The following SEL1L2 variants were observed in gnomAD, a reference collection of about 807,000 sequenced individuals.
SEL1L2 encodes SEL1L2 adaptor subunit of SYVN1 ubiquitin ligase.
SEL1L2 carries 89 observed loss-of-function variants against 98.8 expected under a neutral mutation model. The ratio of observed to expected loss-of-function variants is 0.90; its 90% CI spans 0.76 to 1.07. The LOEUF (loss-of-function observed/expected upper bound fraction) is 1.07, where lower values mean the gene tolerates loss of function less well. Among genes scored for constraint, SEL1L2 ranks in the 50% least tolerant of loss-of-function variants. The probability of loss-of-function intolerance (pLI) is 0.00; values close to 1 mark genes in which losing one functional copy is unlikely to be tolerated. For synonymous variants in SEL1L2, 262 were observed against 278.5 expected, an observed-to-expected ratio of 0.94 and a Z score of 0.59; for missense variants, 788 against 812.0, an observed-to-expected ratio of 0.97 and a Z score of 0.36.
intron 10 of SEL1L2, among the ~76,000 whole-genome samples, chr20:13,879,363 T>A (rs1016719823): frequency 1.6e-4 from 24 of 152,042 alleles, no homozygotes; most frequent in Non-Finnish European, 2.2e-4. Context: ...TTAAAAAAAA[T>A]TTTTTTGAGA....
intron 3 of SEL1L2, among the ~76,000 whole-genome samples, chr20:13,927,217 T>C (rs1311192366): frequency 6.6e-6 from 1 of 152,256 alleles, no homozygotes; most frequent in East Asian, 1.9e-4. Context: ...TATTTTTATG[T>C]AGCACTATAT....
intron 5 of SEL1L2, among the ~76,000 whole-genome samples, chr20:13,908,341 C>G (rs1169656634): frequency 6.6e-6 from 1 of 151,942 alleles, no homozygotes; most frequent in African/African-American, 2.4e-5. Flanking sequence ...CAGGGCTGGT[C>G]TTAAAATCCT....
At chr20:13,888,330 T>A (rs779300545) in intron 6 of SEL1L2, 129 bp downstream of exon 6, 281 of 692,058 alleles carry the variant, frequency 4.1e-4, no homozygotes, top group Non-Finnish European at 5.7e-4. Flanking sequence ...ACTAAATTTC[T>A]TTGACTATTA....
At chr20:13,979,460 T>C (rs2148542863) in intron 1 of SEL1L2, among the ~76,000 whole-genome samples, 1 of 152,362 alleles carries the variant, frequency 6.6e-6, no homozygotes, top group East Asian at 1.9e-4. Context: ...TAATAACTGA[T>C]TTGATCATTA....
chr20:13,940,893 C>A (rs1455594038), intron 2 of SEL1L2, among the ~76,000 whole-genome samples: 1 of 152,094 alleles, frequency 6.6e-6, no homozygotes, highest in Non-Finnish European at 1.5e-5. Context: ...GAGCGAGACT[C>A]CATCTCAAAA....
In SEL1L2 at chr20:13,886,372, A is replaced by AT. The variant is rs1352637319; in HGVS notation, c.815dup (p.Asn272LysfsTer5). 6.2e-7 allele frequency: 1 copy of AT among 1,613,914 alleles called. No homozygotes were observed. The highest frequency in any genetic ancestry group is 1.1e-5 in the South Asian group (1 of 91,074). On this transcript the variant is annotated frameshift_variant, in exon 9 of 20. Transcript: ENST00000284951. LOFTEE classifies it high-confidence loss of function. Reference sequence around the variant, plus strand: ...CCAAAATCTCACTGTTAGAACTCAGATTTTCAGGTCTTTCCGTTAGTCTCA... The same window carrying AT: ...CCAAAATCTCACTGTTAGAACTCAGATTTTTCAGGTCTTTCCGTTAGTCTCA...
intron 1 of SEL1L2, among the ~76,000 whole-genome samples, chr20:13,966,360 C>T (rs1461596398): frequency 1.3e-5 from 2 of 152,014 alleles, no homozygotes; most frequent in African/African-American, 4.8e-5. Context: ...GCTCTGTCGC[C>T]CAGGCTGGAG....
At chr20:13,949,318 T>G (rs1233741363) in intron 2 of SEL1L2, among the ~76,000 whole-genome samples, 2 of 152,048 alleles carry the variant, frequency 1.3e-5, no homozygotes, top group African/African-American at 4.8e-5. Flanking sequence ...AAAACAAAAA[T>G]GAAAACCTCA....
chr20:13,985,525 T>C (rs2052120419), intron 1 of SEL1L2, among the ~76,000 whole-genome samples: 1 of 152,228 alleles, frequency 6.6e-6, no homozygotes, highest in South Asian at 2.1e-4. Context: ...TACAGTACCC[T>C]GTAAATGCTT....
chr20:13,987,208 C>G (rs768325684), intron 1 of SEL1L2, among the ~76,000 whole-genome samples: 16 of 152,068 alleles, frequency 1.1e-4, no homozygotes, highest in Non-Finnish European at 2.1e-4. Context: ...TTTTAAGGAA[C>G]TGCCACACTG....
chr20:13,923,124 T>C (rs562931865), intron 3 of SEL1L2, among the ~76,000 whole-genome samples: 9 of 152,350 alleles, frequency 5.9e-5, no homozygotes, highest in African/African-American at 2.2e-4. Context: ...CTTATAACTT[T>C]TGACATCTTA....
At chr20:13,903,837 C>T (rs2047796369) in intron 5 of SEL1L2, among the ~76,000 whole-genome samples, 1 of 152,032 alleles carries the variant, frequency 6.6e-6, no homozygotes, top group African/African-American at 2.4e-5. Context: ...GTATTTGAAG[C>T]CCATAGGGTC....
At position 13,930,124 on chromosome 20, in the gene SEL1L2, G is replaced by C. The variant is rs1393134386; in HGVS notation, c.283+1479C>G. On this transcript the variant is annotated intron_variant, in intron 3 of 19. Coordinates refer to ENST00000284951, the MANE Select transcript of SEL1L2 (RefSeq NM_025229.2). Reference sequence around the variant, plus strand: ...GCCATTCTAGATCCCACTCCATCCTGCTCTGTGCCTTGGGACTCTAACTCC... The same window carrying C: ...GCCATTCTAGATCCCACTCCATCCTCCTCTGTGCCTTGGGACTCTAACTCC... 4.6e-5 allele frequency among the ~76,000 whole-genome samples: 7 copies of C among 152,038 alleles called. No homozygotes were observed. In the East Asian group the frequency reaches 1.3e-3, roughly 29 times the overall value.
chr20:13,913,933 A>G lies in SEL1L2; in HGVS notation c.398T>C (p.Leu133Pro), dbSNP rs1161772493. 6.4e-7 allele frequency: 1 copy of G among 1,561,482 alleles called. No homozygotes were observed. The highest frequency in any genetic ancestry group is 8.6e-7 in the Non-Finnish European group (1 of 1,163,172). ...TCCCATGTCAGCTGCTTTGGCAAAA[A>G]GTAGGTAGGCTCTGTTTCAAGAATA... ...SQKQKEEAYL[L>P]FAKAADMGNL... The change falls in exon 5 of 20, where the codon CTT (leucine) becomes CCT (proline). Residue 133 changes from leucine to proline, a missense_variant. By Grantham distance (98) the Leu-to-Pro change is moderately conservative (BLOSUM62 -3). Transcript: ENST00000284951.
intron 18 of SEL1L2, among the ~76,000 whole-genome samples, chr20:13,853,250 G>A (rs906216065): frequency 3.3e-5 from 5 of 151,792 alleles, no homozygotes; most frequent in African/African-American, 1.2e-4. Context: ...CCAGGCTGGA[G>A]TACGGTGGCA....
chr20:13,952,348 A>C (rs187215526), intron 2 of SEL1L2, among the ~76,000 whole-genome samples: 5 of 152,360 alleles, frequency 3.3e-5, no homozygotes, highest in Non-Finnish European at 7.3e-5. Flanking sequence ...CTGCCAATAA[A>C]GCCAAGCCTC....
At chr20:13,898,177 T>C (rs1430301132) in intron 5 of SEL1L2, among the ~76,000 whole-genome samples, 2 of 152,198 alleles carry the variant, frequency 1.3e-5, no homozygotes, top group African/African-American at 4.8e-5. Flanking sequence ...AGAGTCTAGT[T>C]TCCACCCAGT....
At chr20:13,980,295 A>G (rs954113772) in intron 1 of SEL1L2, among the ~76,000 whole-genome samples, 3 of 152,208 alleles carry the variant, frequency 2.0e-5, no homozygotes, top group South Asian at 4.1e-4. Flanking sequence ...AGCCCACTGC[A>G]ACCTCTGCCT....
intron 5 of SEL1L2, among the ~76,000 whole-genome samples, chr20:13,888,804 AT>A (rs36004055): frequency 1.6e-3 from 211 of 135,008 alleles, no homozygotes; most frequent in African/African-American, 4.1e-3. Flanking sequence ...ACGCCCCGCT[AT>A]TTTTTTTTTT....
Sources: allele counts gnomAD v4.1 joint callset (sites outside exome capture counted in the v4.1 genomes callset), GRCh38; gene constraint gnomAD v4.1.1; transcripts MANE v1.5; gene names NCBI Gene and HGNC (gene_info 2026-07-23, HGNC 2026-07-21).